Variants in NSD2 observed in about 807,000 individuals in gnomAD.
NSD2 encodes the protein nuclear receptor binding SET domain protein 2, also known as histone-lysine N-methyltransferase NSD2.
A neutral mutation model predicts 139.0 loss-of-function variants in NSD2; 12 were observed. That is an observed-to-expected ratio of 0.09 (90% CI 0.06 to 0.14). The LOEUF is 0.14. NSD2 is among the 10% of genes least tolerant of loss of function. The pLI is 1.00. For synonymous variants in NSD2, 669 were observed against 648.7 expected (o/e 1.03, Z -0.48); for missense variants, 1,155 against 1,745.0 (o/e 0.66, Z 6.02).
In NSD2 at chr4:1,948,536, T is replaced by G; in HGVS notation, c.1882-2536T>G. 9.4e-7 allele frequency: 1 copy of G among 1,064,492 alleles called. No homozygotes were observed. Among genetic ancestry groups the G allele is most frequent in the Non-Finnish European group, 1.1e-6 (1 of 877,858 alleles). The allele number at this position is 1,064,492 out of a possible 1,614,324, so 65.9% of individuals were successfully genotyped here. A position where few individuals can be genotyped will look rare whatever the true frequency, so the allele number is the denominator to read the frequency against. The stretch of plus-strand genomic sequence containing the variant: ...TCCTCCCCGACTGTGGCTAGTTGTC[T>G]GTCCGGTGGCTGGGAGGGGGTGTGG... On this transcript the variant is annotated intron_variant, in intron 9 of 21. Coordinates refer to ENST00000508803, the MANE Select transcript of NSD2 (RefSeq NM_001042424.3). This position sits in a 1 kb window ranked among gnomAD's most constrained non-coding sequence, Gnocchi z 4.5.
chr4:1,885,637 G>A (rs1237741952), intron 1 of NSD2, among the ~76,000 whole-genome samples: 1 of 151,858 alleles, frequency 6.6e-6, no homozygotes, highest in African/African-American at 2.4e-5. Context: ...GGCATGCTCT[G>A]GGTCCTTGAG....
At chr4:1,938,569 G>T in intron 8 of NSD2, 37 bp downstream of exon 8, 2 of 1,570,804 alleles carry the variant, frequency 1.3e-6, no homozygotes, top group South Asian at 1.1e-5. Flanking sequence ...TTGGCTTCTG[G>T]GTGCCCAGGC....
At chr4:1,967,866 C>T (rs1726049917) in intron 18 of NSD2, among the ~76,000 whole-genome samples, 1 of 152,100 alleles carries the variant, frequency 6.6e-6, no homozygotes, top group Non-Finnish European at 1.5e-5. Context: ...TCATTGTAAC[C>T]ATGTGTGGGA....
At chr4:1,943,094 A>G (rs571903273) in intron 9 of NSD2, 18 of 1,048,176 alleles carry the variant, frequency 1.7e-5, no homozygotes, top group East Asian at 1.1e-4. Flanking sequence ...AGTTGCTTCT[A>G]TAGAGCATCA....
chr4:1,877,667 C>T (rs1714359645), intron 1 of NSD2, among the ~76,000 whole-genome samples: 1 of 152,292 alleles, frequency 6.6e-6, no homozygotes, highest in Non-Finnish European at 1.5e-5. Context: ...CATCGTCACC[C>T]ACTCCCATTC....
Position 1,979,132 on chromosome 4 carries a change from G to C in NSD2, c.*223G>C. 2.1e-6 allele frequency: 1 copy of C among 466,446 alleles called. No homozygotes were observed. The highest frequency in any genetic ancestry group is 3.6e-6 in the Non-Finnish European group (1 of 276,148). The allele number at this position is 466,446 out of a possible 1,614,324, so 28.9% of individuals were successfully genotyped here. The stretch of plus-strand genomic sequence containing the variant: ...GTCTGAGCCCAGCTCAGCGTTCCTG[G>C]ACAAACAGCCTCACTCCTCAGCGTT... On this transcript the variant is annotated 3_prime_UTR_variant, in exon 22 of 22. Coordinates refer to ENST00000508803, the MANE Select transcript of NSD2 (RefSeq NM_001042424.3).
intron 3 of NSD2, among the ~76,000 whole-genome samples, chr4:1,916,012 C>G (rs1289169845): frequency 6.6e-6 from 1 of 152,170 alleles, no homozygotes; most frequent in Non-Finnish European, 1.5e-5. Flanking sequence ...TTTCTTTCCT[C>G]ATCCCCCTGG....
intron 18 of NSD2, among the ~76,000 whole-genome samples, chr4:1,971,866 T>C (rs914195650): frequency 1.3e-5 from 2 of 152,216 alleles, no homozygotes; most frequent in African/African-American, 4.8e-5. Flanking sequence ...AACCTATTCC[T>C]GATGAAAACT....
At chr4:1,890,744 G>T (rs1440630110) in intron 1 of NSD2, among the ~76,000 whole-genome samples, 1 of 151,824 alleles carries the variant, frequency 6.6e-6, no homozygotes, top group South Asian at 2.1e-4. Context: ...GATTACAGGC[G>T]CCCACCACCA....
At chr4:1,937,437 TA>T (rs1450206265) in intron 7 of NSD2, among the ~76,000 whole-genome samples, 3 of 152,192 alleles carry the variant, frequency 2.0e-5, no homozygotes, top group Non-Finnish European at 2.9e-5. Context: ...ATGTTATACC[TA>T]AAAAATACAT....
chr4:1,872,583 T>TGAGA (rs1255714415), intron 1 of NSD2, among the ~76,000 whole-genome samples: 4 of 62,686 alleles, frequency 6.4e-5, no homozygotes, highest in African/African-American at 2.2e-4. Flanking sequence ...TGTGTGTGTG[T>TGAGA]GTGTGTGTGA....
At chr4:1,944,714 T>C in intron 9 of NSD2, 1 of 1,064,912 alleles carries the variant, frequency 9.4e-7, no homozygotes, top group Non-Finnish European at 1.1e-6. Context: ...CTAAGACTGA[T>C]CTGAGAGCCA....
At chr4:1,924,653 G>A (rs1720613361) in intron 5 of NSD2, among the ~76,000 whole-genome samples, 1 of 151,938 alleles carries the variant, frequency 6.6e-6, no homozygotes, top group Admixed American at 6.6e-5. Flanking sequence ...GCTCACACCT[G>A]TAATCCCAGC....
chr4:1,925,772 AT>A (rs564472093), intron 5 of NSD2, among the ~76,000 whole-genome samples: 141 of 148,954 alleles, frequency 9.5e-4, no homozygotes, highest in South Asian at 3.0e-3. Flanking sequence ...CTATATATAT[AT>A]TTTTTTTTGT....
At chr4:1,917,851 G>A (rs1276246164) in intron 4 of NSD2, among the ~76,000 whole-genome samples, 3 of 147,714 alleles carry the variant, frequency 2.0e-5, no homozygotes, top group African/African-American at 5.0e-5. Context: ...GCGTGGTCTC[G>A]GGTTACTGCA....
At position 1,946,214 on chromosome 4, in the gene NSD2, T is replaced by C. The variant is rs1467239755; in HGVS notation, c.1882-4858T>C. 1.2e-5 allele frequency: 12 copies of C among 1,016,708 alleles called. No homozygotes were observed. In the African/African-American group the frequency reaches 1.7e-4, roughly 15 times the overall value. 63.0% of individuals were successfully genotyped at this position (1,016,708 alleles called of 1,614,324 possible). The stretch of plus-strand genomic sequence containing the variant: ...TCTTAAAATACTCACAAAGCTGTTA[T>C]TGGCTTCTTAACTTCTAAAATTTGG... On this transcript the variant is annotated intron_variant, in intron 9 of 21. Coordinates refer to ENST00000508803, the MANE Select transcript of NSD2 (RefSeq NM_001042424.3).
Position 1,956,331 on chromosome 4 carries a change from A to G in NSD2, c.2881+143A>G, listed in dbSNP as rs533149918. Reference sequence around the variant, plus strand: ...TTTTTTAAATTAGGAAAATGTTTGCAGTCTGGTTTATTTGTTGAGCATAGA... The same window carrying G: ...TTTTTTAAATTAGGAAAATGTTTGCGGTCTGGTTTATTTGTTGAGCATAGA... On this transcript the variant is annotated intron_variant, in intron 15 of 21. Transcript: ENST00000508803. This position sits in a 1 kb window ranked among gnomAD's most constrained non-coding sequence, Gnocchi z 5.3. 8.4e-6 allele frequency: 6 copies of G among 715,968 alleles called. No individual in the cohort carries two copies. In the East Asian group the frequency reaches 1.7e-4, roughly 21 times the overall value. The allele number at this position is 715,968 out of a possible 1,614,324, so 44.4% of individuals were successfully genotyped here.
chr4:1,952,669 G>C, intron 11 of NSD2: 1 of 1,034,198 alleles, frequency 9.7e-7, no homozygotes, highest in East Asian at 7.6e-5. Context: ...GTCACCTTGA[G>C]CCTCAGTTTC....
At position 1,942,785 on chromosome 4, in the gene NSD2, G is replaced by T. The variant is rs114137808; in HGVS notation, c.1881+3007G>T. On this transcript the variant is annotated intron_variant, in intron 9 of 21. Coordinates refer to ENST00000508803, the MANE Select transcript of NSD2 (RefSeq NM_001042424.3). This position sits in a 1 kb window ranked among gnomAD's most constrained non-coding sequence, Gnocchi z 4.0. ...CTGGACTTTTGTGGAAAATATCAGC[G>T]TCGCTACCCTCAGAAACAAACTAAC... The T allele has an allele frequency of 1.1e-4, 122 of 1,079,420 alleles. No homozygotes were observed. Among genetic ancestry groups the T allele is most frequent in the Admixed American group, 8.2e-4 (17 of 20,832 alleles). 66.9% of individuals were successfully genotyped at this position (1,079,420 alleles called of 1,614,324 possible).
Sources: gnomAD v4.1 joint callset for allele counts (sites outside exome capture counted in the v4.1 genomes callset) on GRCh38, gnomAD v4.1.1 for gene constraint, Gnocchi (gnomAD v3.1) non-coding constraint, MANE v1.5 for transcripts, NCBI Gene and HGNC (gene_info 2026-07-23, HGNC 2026-07-21) for gene names.